The following PHLDB2 variants were observed in gnomAD, a reference collection of about 807,000 sequenced individuals.
The protein encoded by PHLDB2 is pleckstrin homology like domain family B member 2.
Under a neutral mutation model 123.6 loss-of-function variants are expected in PHLDB2, and 71 were observed. That is an observed-to-expected ratio of 0.57 (90% CI 0.47 to 0.70). PHLDB2 has a LOEUF of 0.70. Ranked by LOEUF, PHLDB2 falls within the 30% of genes least tolerant of loss-of-function variation. PHLDB2 has a pLI of 0.00. For synonymous variants in PHLDB2, 547 were observed against 541.6 expected, an observed-to-expected ratio of 1.01 and a Z score of -0.14; for missense variants, 1,446 against 1,519.5, an observed-to-expected ratio of 0.95 and a Z score of 0.80.
intron 1 of PHLDB2, among the ~76,000 whole-genome samples, chr3:111,804,148 G>A (rs1015474567): frequency 6.6e-6 from 1 of 151,900 alleles, no homozygotes; most frequent in Non-Finnish European, 1.5e-5. Flanking sequence ...CTGTATATAG[G>A]TATATCTGTG....
Position 111,974,720 on chromosome 3 carries a change from A to C in PHLDB2, c.*157A>C. 1.4e-6 allele frequency: 1 copy of C among 691,418 alleles called. No homozygotes were observed. Among genetic ancestry groups the C allele is most frequent in the Non-Finnish European group, 2.1e-6 (1 of 476,138 alleles). 42.8% of individuals were successfully genotyped at this position (691,418 alleles called of 1,614,324 possible). On this transcript the variant is annotated 3_prime_UTR_variant, in exon 18 of 18. Transcript: ENST00000431670. ...TATCAAGACAAGTTATTTGTAAAAA[A>C]TAAAGAAGGGGTTTTAATACAAACC...
At position 111,959,896 on chromosome 3, in the gene PHLDB2, G is replaced by A. The variant is rs77873816; in HGVS notation, c.2873-2212G>A. ...TGTGAAAACTCAGGGAGAGGAAGAGGTTGTGGCAATGTCACTCATTGCCAG... is the reference window on the plus strand; with the variant it reads ...TGTGAAAACTCAGGGAGAGGAAGAGATTGTGGCAATGTCACTCATTGCCAG... On this transcript the variant is annotated intron_variant, in intron 12 of 17. Transcript: ENST00000431670. Among the ~76,000 whole-genome samples the A allele has an allele frequency of 2.2e-3, 331 of 152,292 alleles. 2 individuals carry two copies. The highest frequency in any genetic ancestry group is 7.9e-3 in the African/African-American group (327 of 41,546).
chr3:111,928,903 T>TG (rs1577108499), intron 5 of PHLDB2, among the ~76,000 whole-genome samples: 1 of 152,220 alleles, frequency 6.6e-6, no homozygotes, highest in East Asian at 1.9e-4. Flanking sequence ...TGGATTTTCC[T>TG]GGAGTGTTCC....
intron 5 of PHLDB2, among the ~76,000 whole-genome samples, chr3:111,925,994 C>G (rs774306908): frequency 1.3e-5 from 2 of 152,232 alleles, no homozygotes; most frequent in African/African-American, 4.8e-5. Context: ...GCTGAGGGGT[C>G]TTCCCATGAC....
chr3:111,897,057 C>T (rs2066913395), intron 2 of PHLDB2, among the ~76,000 whole-genome samples: 1 of 152,166 alleles, frequency 6.6e-6, no homozygotes, highest in Non-Finnish European at 1.5e-5. Flanking sequence ...GTTCTAACAC[C>T]ACAACGGTCT....
intron 2 of PHLDB2, among the ~76,000 whole-genome samples, chr3:111,847,443 G>A (rs558745765): frequency 1.1e-4 from 16 of 152,246 alleles, no homozygotes; most frequent in Non-Finnish European, 1.0e-4. Context: ...TGTTATTGAG[G>A]CTTGATTTAG....
chr3:111,760,827 A>C (rs928053819), intron 1 of PHLDB2, among the ~76,000 whole-genome samples: 8 of 152,132 alleles, frequency 5.3e-5, no homozygotes, highest in Admixed American at 1.3e-4. Context: ...GATAAATTGT[A>C]GGTGAGAAGT....
chr3:111,741,064 A>C (rs561969872), intron 1 of PHLDB2, among the ~76,000 whole-genome samples: 2 of 152,346 alleles, frequency 1.3e-5, no homozygotes, highest in Middle Eastern at 3.4e-3. Flanking sequence ...TTCTCCAATC[A>C]GTGAGCACCA....
upstream of PHLDB2, among the ~76,000 whole-genome samples, chr3:111,857,295 T>A (rs936616448): frequency 5.3e-5 from 8 of 151,218 alleles, no homozygotes; most frequent in Non-Finnish European, 8.9e-5. Context: ...CTGCAAAAAA[T>A]TCAATATTAG....
At chr3:111,740,243 C>T (rs2059580190) in intron 1 of PHLDB2, among the ~76,000 whole-genome samples, 1 of 152,078 alleles carries the variant, frequency 6.6e-6, no homozygotes, top group African/African-American at 2.4e-5. Flanking sequence ...TGGCAAAGAA[C>T]CTCTGGTCCA....
intron 2 of PHLDB2, among the ~76,000 whole-genome samples, chr3:111,853,575 G>T (rs2064353746): frequency 6.6e-6 from 1 of 152,056 alleles, no homozygotes; most frequent in African/African-American, 2.4e-5. Context: ...TAACACACTG[G>T]CTCATAAAAT....
chr3:111,761,163 G>A (rs1370838421), intron 1 of PHLDB2, among the ~76,000 whole-genome samples: 6 of 140,550 alleles, frequency 4.3e-5, no homozygotes, highest in South Asian at 2.3e-4. Flanking sequence ...CCAGCCTAGC[G>A]ACAGAGTGAG....
chr3:111,896,506 C>G (rs2107413017), intron 2 of PHLDB2, among the ~76,000 whole-genome samples: 1 of 152,218 alleles, frequency 6.6e-6, no homozygotes, highest in East Asian at 1.9e-4. Flanking sequence ...GCCACCATAC[C>G]TGGCTAATTT....
At chr3:111,827,460 G>A (rs2062714557) in intron 1 of PHLDB2, among the ~76,000 whole-genome samples, 1 of 152,122 alleles carries the variant, frequency 6.6e-6, no homozygotes, top group Non-Finnish European at 1.5e-5. Flanking sequence ...CGGATCACGA[G>A]GTCAGGAGAT....
chr3:111,780,384 A>AG (rs2060399058), intron 1 of PHLDB2, among the ~76,000 whole-genome samples: 1 of 45,570 alleles, frequency 2.2e-5, no homozygotes, highest in African/African-American at 4.5e-5. Context: ...AAGAAGAAGA[A>AG]GAAGAAGAAG....
intron 10 of PHLDB2, among the ~76,000 whole-genome samples, chr3:111,950,897 A>G (rs1341761041): frequency 6.6e-6 from 1 of 152,224 alleles, no homozygotes; most frequent in Admixed American, 6.5e-5. Flanking sequence ...TGGAAGACCT[A>G]AATGCCTTCA....
intron 2 of PHLDB2, among the ~76,000 whole-genome samples, chr3:111,897,063 G>A (rs1197477995): frequency 1.3e-5 from 2 of 152,132 alleles, no homozygotes; most frequent in Non-Finnish European, 2.9e-5. Context: ...ACACCACAAC[G>A]GTCTCTCATG....
chr3:111,871,878 G>T (rs1465776976), intron 1 of PHLDB2, among the ~76,000 whole-genome samples: 1 of 152,166 alleles, frequency 6.6e-6, no homozygotes, highest in African/African-American at 2.4e-5. Flanking sequence ...ATCTCCCAAA[G>T]AACTTTTAAA....
In PHLDB2 at chr3:111,974,505, G is replaced by A. The variant is rs765003590; in HGVS notation, c.3704G>A (p.Arg1235Gln). 19 of 1,613,658 alleles carry A rather than the reference G, an allele frequency of 1.2e-5. No individual in the cohort carries two copies. The highest frequency in any genetic ancestry group is 5.0e-5 in the Admixed American group (3 of 59,980). Reference sequence around the variant, plus strand: ...GTAGCCCCATCGCCAGAAGCCATGCGGATCTGGATGGATGTTATAGTTACG... The same window carrying A: ...GTAGCCCCATCGCCAGAAGCCATGCAGATCTGGATGGATGTTATAGTTACG... The part of the protein sequence containing the change: ...YMVAPSPEAM[R>Q]IWMDVIVTGA... Residue 1235 changes from arginine (R) to glutamine (Q), a missense_variant, in exon 18 of 18, where the codon CGG becomes CAG. By Grantham distance (43) the Arg-to-Gln change is conservative (BLOSUM62 1). Transcript: ENST00000431670.
Sources: gnomAD v4.1 joint callset for allele counts (sites outside exome capture counted in the v4.1 genomes callset) on GRCh38, gnomAD v4.1.1 for gene constraint, MANE v1.5 for transcripts, NCBI Gene and HGNC (gene_info 2026-07-23, HGNC 2026-07-21) for gene names.